The following EPB41L4B variants were observed in gnomAD, a reference collection of about 807,000 sequenced individuals.
The protein encoded by EPB41L4B is band 4.1-like protein 4B.
In EPB41L4B, 30 loss-of-function variants were observed where a neutral mutation model predicts 112.5. The ratio of observed to expected loss-of-function variants is 0.27; its 90% CI spans 0.20 to 0.36. The LOEUF is 0.36. Ranked by LOEUF, EPB41L4B falls within the 10% of genes least tolerant of loss-of-function variation. EPB41L4B has a pLI of 1.00. For synonymous variants in EPB41L4B, 408 were observed against 439.7 expected (o/e 0.93, Z 0.90); for missense variants, 1,024 against 1,133.3 (o/e 0.90, Z 1.38).
At chr9:109,297,579 A>G (rs1277744371) in intron 1 of EPB41L4B, among the ~76,000 whole-genome samples, 1 of 152,198 alleles carries the variant, frequency 6.6e-6, no homozygotes, top group African/African-American at 2.4e-5. Context: ...ACGGCTGTCC[A>G]CCGGCAAAGC....
chr9:109,266,508 C>T (rs548068784), intron 4 of EPB41L4B, among the ~76,000 whole-genome samples: 13 of 152,240 alleles, frequency 8.5e-5, no homozygotes, highest in Non-Finnish European at 1.9e-4. Context: ...ACACAAACAA[C>T]GACAAGGAGG....
intron 21 of EPB41L4B, 21 bp downstream of exon 21, chr9:109,194,199 G>C: frequency 6.2e-7 from 1 of 1,605,996 alleles, no homozygotes; most frequent in Non-Finnish European, 8.5e-7. Context: ...CTGCTCGCCA[G>C]GGCTTTCCAC....
intron 1 of EPB41L4B, among the ~76,000 whole-genome samples, chr9:109,294,993 G>A (rs981303543): frequency 2.0e-5 from 3 of 152,192 alleles, no homozygotes; most frequent in African/African-American, 7.2e-5. Context: ...CCACGGTGAC[G>A]AGGAAAGTGT....
At position 109,258,203 on chromosome 9, in the gene EPB41L4B, A is replaced by G. The variant is rs945184451; in HGVS notation, c.726T>C (p.Asp242=). The G allele has an allele frequency of 6.2e-7, 1 of 1,613,964 alleles. No homozygotes were observed. Among genetic ancestry groups the G allele is most frequent in the East Asian group, 2.2e-5 (1 of 44,888 alleles). The change falls in exon 7 of 26, where the codon GAT becomes GAC. Residue 242 remains aspartate (D), a synonymous_variant. Coordinates refer to ENST00000374566, the MANE Select transcript of EPB41L4B (RefSeq NM_019114.5). The part of the protein sequence containing the change: ...IPNQTEAMEF[D]IFQRWKECRG... ...TGCACTCTTTCCATCTCTGGAAGAT[A>G]TCAAATTCCATTGCTTCTGTCTGAT...
Position 109,182,816 on chromosome 9 carries a change from C to T in EPB41L4B, c.2419-19G>A, listed in dbSNP as rs376977396. On this transcript the variant is annotated intron_variant, in intron 23 of 25. Transcript: ENST00000374566. ...TTTTTATCTTCAAAAGAGAGAAAGA[C>T]AAGGGGGTTACCTTCAGATTAGAAA... 1.9e-6 allele frequency: 3 copies of T among 1,564,464 alleles called. No homozygotes were observed. The African/African-American group carries it at 4.1e-5, about 21-fold the overall frequency.
At chr9:109,302,114 G>T (rs577625586) in intron 1 of EPB41L4B, among the ~76,000 whole-genome samples, 1 of 152,312 alleles carries the variant, frequency 6.6e-6, no homozygotes, top group South Asian at 2.1e-4. Context: ...GTAAAAGCAT[G>T]TAAAAACCAT....
At chr9:109,190,613 C>T (rs1832427054) in intron 22 of EPB41L4B, among the ~76,000 whole-genome samples, 1 of 152,218 alleles carries the variant, frequency 6.6e-6, no homozygotes, top group African/African-American at 2.4e-5. Context: ...ATCTGACCCG[C>T]TTTGAGGGAG....
chr9:109,194,388 G>T lies in EPB41L4B; in HGVS notation c.2055C>A (p.Asp685Glu). 3.1e-6 allele frequency: 5 copies of T among 1,613,924 alleles called. No homozygotes were observed. In the African/African-American group the frequency reaches 6.7e-5, roughly 22 times the overall value. ...KLTRQYSFDE[D>E]DLPPDLAEAV... ...CCTCGGCCAGGTCTGGAGGGAGGTC[G>T]TCTTCATCACTGCGGTTACTAAAAG... The change falls in exon 21 of 26, where the codon GAC (aspartate) becomes GAA (glutamate). Residue 685 changes from aspartate to glutamate, a missense_variant. Coordinates refer to ENST00000374566, the MANE Select transcript of EPB41L4B (RefSeq NM_019114.5).
chr9:109,301,047 T>C (rs1450279923), intron 1 of EPB41L4B: 1 of 152,236 alleles, frequency 6.6e-6, no homozygotes, highest in African/African-American at 2.4e-5. Flanking sequence ...ATTTTACATA[T>C]GCCTAATTTA....
At chr9:109,236,278 A>G (rs1439489376) in intron 15 of EPB41L4B, among the ~76,000 whole-genome samples, 1 of 152,178 alleles carries the variant, frequency 6.6e-6, no homozygotes, top group South Asian at 2.1e-4. Context: ...TGATGAAATT[A>G]AAGCCATATA....
At chr9:109,300,437 A>C (rs1221117931) in intron 1 of EPB41L4B, 1 of 152,134 alleles carries the variant, frequency 6.6e-6, no homozygotes, top group Non-Finnish European at 1.5e-5. Flanking sequence ...CCACCATCAC[A>C]ATCTTAAATC....
chr9:109,263,819 C>CA (rs1835303904), intron 5 of EPB41L4B, among the ~76,000 whole-genome samples: 1 of 152,202 alleles, frequency 6.6e-6, no homozygotes, highest in African/African-American at 2.4e-5. Context: ...ATGAGGAACT[C>CA]AGTGTTAAGG....
In EPB41L4B at chr9:109,182,927, G is replaced by T. The variant is rs138980434; in HGVS notation, c.2419-130C>A. The T allele has an allele frequency of 2.8e-3, 1,860 of 671,644 alleles. 9 individuals are homozygous for T. Among genetic ancestry groups the T allele is most frequent in the Non-Finnish European group, 3.7e-3 (1,397 of 372,870 alleles). 41.6% of individuals were successfully genotyped at this position (671,644 alleles called of 1,614,324 possible). On this transcript the variant is annotated intron_variant, in intron 23 of 25. Coordinates refer to ENST00000374566, the MANE Select transcript of EPB41L4B (RefSeq NM_019114.5). ...CCCCCGCAGAGCCTTCATCACTCGTGTAAGGGCACATACAAAGGGTCCCTC... is the reference window on the plus strand; with the variant it reads ...CCCCCGCAGAGCCTTCATCACTCGTTTAAGGGCACATACAAAGGGTCCCTC...
chr9:109,255,533 G>C lies in EPB41L4B; in HGVS notation c.1147C>G (p.Leu383Val). The C allele has an allele frequency of 6.2e-7, 1 of 1,614,208 alleles. No homozygotes were observed. The highest frequency in any genetic ancestry group is 8.5e-7 in the Non-Finnish European group (1 of 1,180,032). ...SKSNRSDFIR[L>V]GSRFRFSGRT... ...TACCTGAATCTGAAGCGAGAGCCCA[G>C]CCTGATAAAGTCGGATCTATTGGAT... is the stretch of plus-strand genomic sequence containing the variant. Residue 383 changes from leucine (L) to valine (V), a missense_variant, in exon 11 of 26, where the codon CTG (leucine) becomes GTG (valine). Transcript: ENST00000374566.
At chr9:109,296,293 C>T (rs940668676) in intron 1 of EPB41L4B, among the ~76,000 whole-genome samples, 9 of 152,178 alleles carry the variant, frequency 5.9e-5, no homozygotes, top group Admixed American at 2.6e-4. Context: ...GTGACTGTTC[C>T]CCCATAAGCC....
chr9:109,254,932 T>G (rs528240741), intron 11 of EPB41L4B, among the ~76,000 whole-genome samples: 1 of 152,348 alleles, frequency 6.6e-6, no homozygotes, highest in African/African-American at 2.4e-5. Context: ...AGTTAGAAAT[T>G]TAACAGCCAG....
At chr9:109,205,038 A>T (rs952495551) in intron 18 of EPB41L4B, among the ~76,000 whole-genome samples, 2 of 152,226 alleles carry the variant, frequency 1.3e-5, no homozygotes, top group African/African-American at 4.8e-5. Context: ...AGATAACAGT[A>T]GGAGCTACTT....
At chr9:109,227,594 T>G (rs1032621551) in intron 15 of EPB41L4B, among the ~76,000 whole-genome samples, 7 of 152,136 alleles carry the variant, frequency 4.6e-5, no homozygotes, top group Non-Finnish European at 1.0e-4. Flanking sequence ...CCCCCCCTTT[T>G]TTTTTTGAGA....
chr9:109,224,738 A>G (rs1422289216), intron 15 of EPB41L4B, among the ~76,000 whole-genome samples: 1 of 152,230 alleles, frequency 6.6e-6, no homozygotes, highest in Non-Finnish European at 1.5e-5. Context: ...AAAAGTATCA[A>G]TGCCCAGGCC....
Sources: gnomAD v4.1 joint callset for allele counts (sites outside exome capture counted in the v4.1 genomes callset) on GRCh38, gnomAD v4.1.1 for gene constraint, MANE v1.5 for transcripts, NCBI Gene and HGNC (gene_info 2026-07-23, HGNC 2026-07-21) for gene names.